Variants in ADAD1 observed in about 807,000 individuals in gnomAD.
ADAD1 encodes adenosine deaminase domain-containing protein 1.
ADAD1 carries 46 observed loss-of-function variants against 66.8 expected under a neutral mutation model. That is an observed-to-expected ratio of 0.69 (90% CI 0.54 to 0.88). ADAD1 has a LOEUF of 0.88. Ranked by LOEUF, ADAD1 falls within the 40% of genes least tolerant of loss-of-function variation. The pLI, the probability that ADAD1 is intolerant of heterozygous loss-of-function variation, is 0.00. For missense variants in ADAD1, 617 were observed against 681.8 expected (o/e 0.91, Z 1.06); for synonymous variants, 248 against 229.4 (o/e 1.08, Z -0.73).
intron 10 of ADAD1, 141 bp downstream of exon 10, chr4:122,412,950 A>T: frequency 1.5e-6 from 1 of 666,056 alleles, no homozygotes; most frequent in Non-Finnish European, 2.5e-6. Flanking sequence ...GCTGTTTTGT[A>T]GAGCTGTTGG....
At chr4:122,429,529 T>C (rs1253292569) in intron 12 of ADAD1, 97 bp from the exon 13 acceptor site, 3 of 676,436 alleles carry the variant, frequency 4.4e-6, no homozygotes, top group East Asian at 5.7e-5. Flanking sequence ...TTTGATTAAC[T>C]TTTTTAAATT....
At chr4:122,421,200 A>G in intron 11 of ADAD1, 61 bp from the exon 12 acceptor site, 1 of 1,332,104 alleles carries the variant, frequency 7.5e-7, no homozygotes, top group Non-Finnish European at 1.0e-6. Flanking sequence ...TTTAATCTAT[A>G]CAATTGCCAA....
chr4:122,392,404 A>G (rs913690412), intron 5 of ADAD1, among the ~76,000 whole-genome samples: 26 of 152,242 alleles, frequency 1.7e-4, no homozygotes, highest in African/African-American at 5.5e-4. Flanking sequence ...TTGCAGCAAC[A>G]TGGATGGAGC....
chr4:122,394,953 TGAA>T (rs1484480893), intron 6 of ADAD1, among the ~76,000 whole-genome samples: 2 of 152,192 alleles, frequency 1.3e-5, no homozygotes, highest in Non-Finnish European at 2.9e-5. Flanking sequence ...TTATAACTTT[TGAA>T]GAAGAAAGAT....
intron 12 of ADAD1, among the ~76,000 whole-genome samples, chr4:122,425,395 C>G (rs1797187002): frequency 6.6e-6 from 1 of 151,926 alleles, no homozygotes; most frequent in African/African-American, 2.4e-5. Flanking sequence ...TGAGAAATTG[C>G]TATATATTTG....
intron 8 of ADAD1, among the ~76,000 whole-genome samples, chr4:122,410,166 G>T (rs867835347): frequency 6.6e-6 from 1 of 152,026 alleles, no homozygotes; most frequent in African/African-American, 2.4e-5. Context: ...ATATAAATTT[G>T]TGTCTCTAAT....
rs181655842 is a variant in ADAD1, at chr4:122,396,256, G to A, written c.603G>A (p.Gly201=). 78 of 1,577,488 alleles carry A rather than the reference G, an allele frequency of 4.9e-5. No homozygotes were observed. In the Admixed American group the frequency reaches 1.3e-3, roughly 27 times the overall value. ...LAYVSKVHYE[G]RHIQYAKISQ... is the part of the protein sequence containing the mutation. ...TATGTTTTGATTTTTTTCTAGAAGG[G>A]AGACATATTCAATATGCAAAGATTT... Residue 201 remains glycine (G), a synonymous_variant, in exon 7 of 13, where the codon GGG becomes GGA. Transcript: ENST00000296513.
At chr4:122,400,798 C>G (rs1795937266) in intron 7 of ADAD1, among the ~76,000 whole-genome samples, 1 of 151,968 alleles carries the variant, frequency 6.6e-6, no homozygotes. Flanking sequence ...TGAAAGTGTT[C>G]ATAGTAACCT....
chr4:122,425,835 A>G (rs1057327046), intron 12 of ADAD1, among the ~76,000 whole-genome samples: 1 of 152,030 alleles, frequency 6.6e-6, no homozygotes, highest in African/African-American at 2.4e-5. Flanking sequence ...CCCCATGGAT[A>G]CCAAGGAATG....
intron 10 of ADAD1, among the ~76,000 whole-genome samples, chr4:122,414,788 T>A (rs1796652346): frequency 6.6e-6 from 1 of 152,164 alleles, no homozygotes; most frequent in African/African-American, 2.4e-5. Context: ...CTCACTGTTT[T>A]TTAGTAGTAA....
At chr4:122,428,148 T>A (rs1472758413) in intron 12 of ADAD1, among the ~76,000 whole-genome samples, 2 of 152,132 alleles carry the variant, frequency 1.3e-5, no homozygotes, top group African/African-American at 4.8e-5. Flanking sequence ...TAGATCTAAC[T>A]GTAAGAGCTA....
chr4:122,380,150 A>C lies in ADAD1; in HGVS notation c.81A>C (p.Gln27His). Reference protein sequence around the residue: ...AQMLKKNLPVQPATKTITTPT... With the variant: ...AQMLKKNLPVHPATKTITTPT... ...TGCTGAAAAAGAACCTGCCAGTTCAACCAGCGACAAAGACGATAACTACAC... is the reference window on the plus strand; with the variant it reads ...TGCTGAAAAAGAACCTGCCAGTTCACCCAGCGACAAAGACGATAACTACAC... Residue 27 changes from glutamine (Q) to histidine (H), a missense_variant, in exon 3 of 13, where the codon CAA becomes CAC. Transcript: ENST00000296513. 1 of 1,614,194 alleles carries C rather than the reference A, an allele frequency of 6.2e-7. No homozygotes were observed. The highest frequency in any genetic ancestry group is 8.5e-7 in the Non-Finnish European group (1 of 1,180,028).
chr4:122,423,176 G>T (rs1451828557), intron 12 of ADAD1, among the ~76,000 whole-genome samples: 1 of 152,084 alleles, frequency 6.6e-6, no homozygotes, highest in Non-Finnish European at 1.5e-5. Flanking sequence ...TTCAGAGGAG[G>T]TATACTTGAT....
chr4:122,380,934 T>C, intron 3 of ADAD1, 58 bp from the exon 4 acceptor site: 1 of 1,457,172 alleles, frequency 6.9e-7, no homozygotes, highest in Non-Finnish European at 9.3e-7. Context: ...TTATTGCTTT[T>C]GCTCATTTTT....
chr4:122,427,549 T>TTTTC (rs1553926021), intron 12 of ADAD1, among the ~76,000 whole-genome samples: 4 of 141,422 alleles, frequency 2.8e-5, no homozygotes, highest in Non-Finnish European at 3.1e-5. Flanking sequence ...TTTTTTTTTT[T>TTTTC]CCTGATGCGG....
intron 8 of ADAD1, among the ~76,000 whole-genome samples, chr4:122,410,866 G>A (rs1199734842): frequency 6.6e-6 from 1 of 152,104 alleles, no homozygotes; most frequent in Admixed American, 6.6e-5. Context: ...CAGAAAGTTG[G>A]CAGTTCATCT....
intron 5 of ADAD1, among the ~76,000 whole-genome samples, chr4:122,386,571 T>TG (rs1795183271): frequency 6.6e-6 from 1 of 152,258 alleles, no homozygotes; most frequent in Admixed American, 6.5e-5. Context: ...TGGCTTTTGT[T>TG]GCAATCGCTT....
chr4:122,384,785 AT>A (rs1200832330), intron 5 of ADAD1, among the ~76,000 whole-genome samples: 3 of 152,064 alleles, frequency 2.0e-5, no homozygotes, highest in Non-Finnish European at 2.9e-5. Flanking sequence ...TAAAACATTT[AT>A]TTTTTTCCCT....
intron 11 of ADAD1, among the ~76,000 whole-genome samples, chr4:122,418,523 C>T (rs1165786127): frequency 1.3e-5 from 2 of 152,024 alleles, no homozygotes; most frequent in African/African-American, 2.4e-5. Flanking sequence ...GAGGTTTCAC[C>T]GTGTTATCCA....
Sources: gnomAD v4.1 joint callset for allele counts (sites outside exome capture counted in the v4.1 genomes callset) on GRCh38, gnomAD v4.1.1 for gene constraint, MANE v1.5 for transcripts, NCBI Gene and HGNC (gene_info 2026-07-23, HGNC 2026-07-21) for gene names.